The following FNBP1 variants were observed in gnomAD, a reference collection of about 807,000 sequenced individuals.
FNBP1 encodes formin binding protein 1, also known as formin-binding protein 1.
Under a neutral mutation model 90.6 loss-of-function variants are expected in FNBP1, and 26 were observed. The ratio of observed to expected loss-of-function variants is 0.29; its 90% CI spans 0.21 to 0.40. FNBP1 has a LOEUF of 0.40. Among genes scored for constraint, FNBP1 ranks in the 10% least tolerant of loss-of-function variants. The probability of loss-of-function intolerance (pLI) is 1.00; values close to 1 mark genes in which losing one functional copy is unlikely to be tolerated. For synonymous variants in FNBP1, 260 were observed against 265.2 expected, an observed-to-expected ratio of 0.98 and a Z score of 0.19; for missense variants, 635 against 768.0, an observed-to-expected ratio of 0.83 and a Z score of 2.05.
At chr9:130,009,813 A>G (rs1354296854) in intron 1 of FNBP1, among the ~76,000 whole-genome samples, 2 of 151,972 alleles carry the variant, frequency 1.3e-5, no homozygotes, top group Admixed American at 6.6e-5. Flanking sequence ...AACAAAAACA[A>G]AAAACAAAAA....
chr9:130,021,474 C>T (rs965504242), intron 1 of FNBP1, among the ~76,000 whole-genome samples: 5 of 152,194 alleles, frequency 3.3e-5, no homozygotes, highest in African/African-American at 1.2e-4. Flanking sequence ...CTACCATTAG[C>T]CAACTTGACT....
intron 1 of FNBP1, among the ~76,000 whole-genome samples, chr9:130,003,127 C>CA (rs60612382): frequency 0.13 from 19,099 of 151,816 alleles, 1,314 homozygotes; most frequent in Middle Eastern, 0.18. Context: ...TCATTAAGTT[C>CA]AAAAAAAAAA....
In FNBP1 at chr9:130,026,723, C is replaced by T. The variant is rs570816591; in HGVS notation, c.24+16229G>A. Among the ~76,000 whole-genome samples the T allele has an allele frequency of 4.6e-5, 7 of 151,988 alleles. No homozygotes were observed. In the East Asian group the frequency reaches 7.7e-4, roughly 17 times the overall value. ...ATCTTAGCACTTTGGGAGGCCAAGG[C>T]GGGTGGATCACTTGAGCCCAGGAGT... On this transcript the variant is annotated intron_variant, in intron 1 of 16. Coordinates refer to ENST00000446176, the MANE Select transcript of FNBP1 (RefSeq NM_015033.3).
chr9:129,892,418 A>ACACACAC (rs1396983965), intron 16 of FNBP1, among the ~76,000 whole-genome samples: 1 of 107,614 alleles, frequency 9.3e-6, no homozygotes, highest in East Asian at 5.6e-4. Flanking sequence ...CACACACACA[A>ACACACAC]AAAGGTTGAC....
At chr9:129,998,460 G>A (rs1270375959) in intron 1 of FNBP1, among the ~76,000 whole-genome samples, 2 of 151,504 alleles carry the variant, frequency 1.3e-5, no homozygotes, top group African/African-American at 4.9e-5. Flanking sequence ...GTTGCAGTGA[G>A]CCAAGACGGG....
In FNBP1 at chr9:130,031,295, G is replaced by A. The variant is rs968962078; in HGVS notation, c.24+11657C>T. Among the ~76,000 whole-genome samples, 1 of 152,212 alleles carries A rather than the reference G, an allele frequency of 6.6e-6. No individual in the cohort carries two copies. Among genetic ancestry groups the A allele is most frequent in the Non-Finnish European group, 1.5e-5 (1 of 68,040 alleles). ...CCATCCTTCTCCACACTGAAAACTG[G>A]CACCATAGGTACCTGCTTTCAGCAG... On this transcript the variant is annotated intron_variant, in intron 1 of 16. Transcript: ENST00000446176. The surrounding 1 kb of genome is among the most constrained non-coding windows in gnomAD (Gnocchi z 4.2).
At chr9:129,953,423 G>C (rs1449387919) in intron 6 of FNBP1, among the ~76,000 whole-genome samples, 1 of 152,082 alleles carries the variant, frequency 6.6e-6, no homozygotes, top group Non-Finnish European at 1.5e-5. Flanking sequence ...CCGGGAGGCA[G>C]AGGTTGCAAT....
chr9:130,045,500 T>G (rs922106963), upstream of FNBP1, among the ~76,000 whole-genome samples: 3 of 152,012 alleles, frequency 2.0e-5, no homozygotes, highest in African/African-American at 7.3e-5. Flanking sequence ...CCTGCTGCTT[T>G]AAAGAGGAGA....
At chr9:130,039,855 C>T (rs541558422) in intron 1 of FNBP1, among the ~76,000 whole-genome samples, 7 of 152,054 alleles carry the variant, frequency 4.6e-5, no homozygotes, top group African/African-American at 1.7e-4. Context: ...TTGATTTTAA[C>T]CTGAAGTCCT....
intron 2 of FNBP1, among the ~76,000 whole-genome samples, chr9:129,994,500 C>T (rs2053689997): frequency 6.6e-6 from 1 of 152,142 alleles, no homozygotes; most frequent in Non-Finnish European, 1.5e-5. Context: ...TGTGTTCACA[C>T]TGTCAAAATT....
intron 4 of FNBP1, among the ~76,000 whole-genome samples, chr9:129,963,285 A>G (rs1199513991): frequency 6.6e-6 from 1 of 152,178 alleles, no homozygotes; most frequent in Non-Finnish European, 1.5e-5. Flanking sequence ...TGCCTGGGAC[A>G]TGTCACCTGA....
rs369818570 is a variant in FNBP1 at position 130,017,083 on chromosome 9, T to TAA, written c.25-22127_25-22126dup. On this transcript the variant is annotated intron_variant, in intron 1 of 16. Coordinates refer to ENST00000446176, the MANE Select transcript of FNBP1 (RefSeq NM_015033.3). Reference sequence around the variant, plus strand: ...CAACATAGCAAGACCCCATCTCTTTTAAAAAAAAGGTAATTTATGAAGAGC... The same window carrying TAA: ...CAACATAGCAAGACCCCATCTCTTTTAAAAAAAAAAGGTAATTTATGAAGAGC... Among the ~76,000 whole-genome samples, 208 of 151,858 alleles carry TAA rather than the reference T, an allele frequency of 1.4e-3. 1 individual carries two copies. The highest frequency in any genetic ancestry group is 5.0e-3 in the African/African-American group (205 of 41,384).
intron 10 of FNBP1, among the ~76,000 whole-genome samples, chr9:129,921,209 C>A: frequency 6.6e-6 from 1 of 151,882 alleles, no homozygotes; most frequent in Admixed American, 6.6e-5. Flanking sequence ...TTGTTTTGTC[C>A]CCTATTTTTA....
chr9:129,898,498 CT>C (rs995837799), intron 15 of FNBP1, among the ~76,000 whole-genome samples: 90 of 146,152 alleles, frequency 6.2e-4, no homozygotes, highest in Non-Finnish European at 6.5e-4. Flanking sequence ...AAACTGCCTG[CT>C]TTTTTTTTTT....
intron 11 of FNBP1, among the ~76,000 whole-genome samples, chr9:129,914,761 A>G (rs1361349650): frequency 0.024 from 1,549 of 64,998 alleles, 106 homozygotes; most frequent in African/African-American, 0.049. Context: ...ATATGTCTAT[A>G]TATATATATA....
intron 13 of FNBP1, 90 bp downstream of exon 13, chr9:129,902,779 G>C (rs1241230790): frequency 2.6e-5 from 35 of 1,334,990 alleles, no homozygotes; most frequent in Non-Finnish European, 3.4e-5. Context: ...ACCTCCCAGT[G>C]AGAGGATCGT....
At chr9:130,043,982 A>T (rs1306690873), upstream of FNBP1, among the ~76,000 whole-genome samples, 8 of 152,252 alleles carry the variant, frequency 5.3e-5, no homozygotes, top group Non-Finnish European at 1.0e-4. Context: ...GAGGCAAATA[A>T]CGTGTCCATC....
chr9:129,915,817 T>G (rs138696715), intron 11 of FNBP1, 149 bp downstream of exon 11: 1 of 607,656 alleles, frequency 1.6e-6, no homozygotes, highest in African/African-American at 1.9e-5. Flanking sequence ...ATCCAAGAAG[T>G]CTAATAAGGA....
chr9:130,036,711 G>A (rs1246937958), intron 1 of FNBP1, among the ~76,000 whole-genome samples: 1 of 152,130 alleles, frequency 6.6e-6, no homozygotes, highest in Middle Eastern at 3.2e-3. Flanking sequence ...TGTTGGTCTT[G>A]CCATGTTCAT....
Sources: gnomAD v4.1 joint callset for allele counts (sites outside exome capture counted in the v4.1 genomes callset) on GRCh38, gnomAD v4.1.1 for gene constraint, Gnocchi (gnomAD v3.1) non-coding constraint, MANE v1.5 for transcripts, NCBI Gene and HGNC (gene_info 2026-07-23, HGNC 2026-07-21) for gene names.